ANKFN1: variants seen among roughly 807,000 people sequenced by gnomAD.
ANKFN1 encodes the protein ankyrin repeat and fibronectin type-III domain-containing protein 1.
A neutral mutation model predicts 108.7 loss-of-function variants in ANKFN1; 74 were observed. The observed-to-expected ratio is 0.68, with a 90% CI of 0.56 to 0.83. ANKFN1 has a LOEUF of 0.83. ANKFN1 is among the 40% of genes least tolerant of loss of function. The pLI, the probability that ANKFN1 is intolerant of heterozygous loss-of-function variation, is 0.00. For synonymous variants in ANKFN1, 547 were observed against 516.2 expected (o/e 1.06, Z -0.81); for missense variants, 1,505 against 1,382.3 (o/e 1.09, Z -1.41).
chr17:56,441,523 G>GC (rs1477419530), intron 9 of ANKFN1, among the ~76,000 whole-genome samples: 1 of 152,134 alleles, frequency 6.6e-6, no homozygotes, highest in Non-Finnish European at 1.5e-5. Context: ...TGAGTGGGTG[G>GC]CCCCCAGAGA....
chr17:56,446,404 C>T (rs149936673), intron 10 of ANKFN1, among the ~76,000 whole-genome samples: 8 of 152,272 alleles, frequency 5.3e-5, no homozygotes, highest in Middle Eastern at 3.4e-3. Flanking sequence ...ATGACAGCAA[C>T]GTTTATTCTC....
intron 8 of ANKFN1, among the ~76,000 whole-genome samples, chr17:56,396,975 A>G (rs1407802885): frequency 6.6e-6 from 1 of 152,144 alleles, no homozygotes; most frequent in Non-Finnish European, 1.5e-5. Context: ...TAAATGTAGT[A>G]TATGAAATAA....
chr17:56,426,893 A>T (rs1239917121), intron 8 of ANKFN1, among the ~76,000 whole-genome samples: 4 of 152,024 alleles, frequency 2.6e-5, no homozygotes, highest in Non-Finnish European at 5.9e-5. Flanking sequence ...GGAGAACAAG[A>T]CTCTTTGTTT....
intron 4 of ANKFN1, among the ~76,000 whole-genome samples, chr17:56,341,128 G>A (rs781447388): frequency 1.3e-5 from 2 of 152,060 alleles, no homozygotes; most frequent in Non-Finnish European, 2.9e-5. Flanking sequence ...ATATAGGAAT[G>A]CTAGTAGTTT....
intron 3 of ANKFN1, among the ~76,000 whole-genome samples, chr17:56,255,027 G>A (rs1348240536): frequency 6.6e-6 from 1 of 152,204 alleles, no homozygotes; most frequent in Non-Finnish European, 1.5e-5. Context: ...GTCCAAAAGA[G>A]AAAGAGTGAG....
At chr17:56,445,565 G>A (rs2049259021) in intron 10 of ANKFN1, among the ~76,000 whole-genome samples, 1 of 152,100 alleles carries the variant, frequency 6.6e-6, no homozygotes, top group South Asian at 2.1e-4. Flanking sequence ...CCTATCGCTT[G>A]GAAGGAACAA....
At chr17:56,070,659 T>C (rs192554322) in intron 4 of ANKFN1, among the ~76,000 whole-genome samples, 2 of 152,234 alleles carry the variant, frequency 1.3e-5, no homozygotes, top group African/African-American at 4.8e-5. Context: ...AGCCAAACCT[T>C]CCTTTTGAGT....
intron 4 of ANKFN1, among the ~76,000 whole-genome samples, chr17:56,084,891 T>C (rs1905289072): frequency 6.6e-6 from 1 of 150,948 alleles, no homozygotes; most frequent in Non-Finnish European, 1.5e-5. Flanking sequence ...CAGTTATTCT[T>C]ACTTGTAATG....
chr17:56,078,759 T>A lies in ANKFN1; in HGVS notation c.288+32434T>A, dbSNP rs185422343. Among the ~76,000 whole-genome samples, 169 of 152,334 alleles carry A rather than the reference T, an allele frequency of 1.1e-3. 1 individual carries two copies. The highest frequency in any genetic ancestry group is 1.8e-3 in the Admixed American group (27 of 15,304). ...AAAATGTATCTCTGGAATATTTACA[T>A]CACTCAGCAGTGGTTCTCTCCAGAA... On this transcript the variant is annotated intron_variant, in intron 4 of 12. Transcript: ENST00000635860.
chr17:56,427,921 A>G (rs1380298933), intron 8 of ANKFN1, among the ~76,000 whole-genome samples: 1 of 152,052 alleles, frequency 6.6e-6, no homozygotes, highest in Non-Finnish European at 1.5e-5. Context: ...ACCACATAGG[A>G]GTGTTAGGAG....
intron 8 of ANKFN1, among the ~76,000 whole-genome samples, chr17:56,403,191 T>C (rs1369685558): frequency 6.6e-6 from 1 of 152,194 alleles, no homozygotes; most frequent in Non-Finnish European, 1.5e-5. Flanking sequence ...GATGAACTGT[T>C]CTGTATATAT....
chr17:56,116,630 T>C (rs1347419463), intron 4 of ANKFN1, among the ~76,000 whole-genome samples: 2 of 152,114 alleles, frequency 1.3e-5, no homozygotes, highest in South Asian at 2.1e-4. Flanking sequence ...CCTTCCACCA[T>C]GAGATGAAGT....
intron 3 of ANKFN1, among the ~76,000 whole-genome samples, chr17:56,288,927 A>T (rs2044290264): frequency 6.6e-6 from 1 of 152,170 alleles, no homozygotes; most frequent in Admixed American, 6.5e-5. Context: ...ATTATCATCC[A>T]CGGGTTAGCA....
At chr17:56,396,050 A>AAC (rs538655264) in intron 8 of ANKFN1, among the ~76,000 whole-genome samples, 67 of 152,202 alleles carry the variant, frequency 4.4e-4, no homozygotes, top group African/African-American at 1.6e-3. Context: ...AACAAAACAA[A>AAC]AAAAACAAAA....
Position 56,457,248 on chromosome 17 carries a change from T to A in ANKFN1, c.1308-9T>A. 1 of 1,548,624 alleles carries A rather than the reference T, an allele frequency of 6.5e-7. No homozygotes were observed. Among genetic ancestry groups the A allele is most frequent in the Non-Finnish European group, 8.7e-7 (1 of 1,151,592 alleles). ...AGGACAATGCTTTTATTTTCCTTTT[T>A]CTTTTTAGGGGACTCTACATAGCCG... On this transcript the variant is annotated splice_polypyrimidine_tract_variant and intron_variant, in intron 12 of 20. Coordinates refer to ENST00000682825, the MANE Select transcript of ANKFN1 (RefSeq NM_001370326.1).
intron 15 of ANKFN1, chr17:56,473,030 T>G (rs1181701340): frequency 5.3e-5 from 8 of 152,216 alleles, no homozygotes; most frequent in African/African-American, 1.4e-4. Context: ...ATGGCCTCTA[T>G]GATGTTGGGT....
intron 2 of ANKFN1, among the ~76,000 whole-genome samples, chr17:56,223,398 A>G (rs1916021012): frequency 1.3e-5 from 2 of 152,204 alleles, no homozygotes; most frequent in Admixed American, 6.6e-5. Flanking sequence ...GATTACAAAT[A>G]TTTTTAACTG....
At chr17:56,419,750 G>A (rs2048343535) in intron 8 of ANKFN1, among the ~76,000 whole-genome samples, 1 of 148,558 alleles carries the variant, frequency 6.7e-6, no homozygotes, top group African/African-American at 2.5e-5. Flanking sequence ...TTGAGCCCAG[G>A]AGTTATAGGT....
intron 4 of ANKFN1, among the ~76,000 whole-genome samples, chr17:56,081,690 C>T (rs1443329696): frequency 2.0e-5 from 3 of 152,168 alleles, no homozygotes; most frequent in African/African-American, 7.2e-5. Flanking sequence ...CTTCCGGCAT[C>T]TTGTATTCCA....
Sources: allele counts gnomAD v4.1 joint callset (sites outside exome capture counted in the v4.1 genomes callset), GRCh38; gene constraint gnomAD v4.1.1; transcripts MANE v1.5; gene names NCBI Gene and HGNC (gene_info 2026-07-23, HGNC 2026-07-21).